SPAG16: variants seen among roughly 807,000 people sequenced by gnomAD.
The protein encoded by SPAG16 is sperm-associated antigen 16 protein.
Under a neutral mutation model 80.4 loss-of-function variants are expected in SPAG16, and 86 were observed. The observed-to-expected ratio is 1.07, with a 90% CI of 0.90 to 1.28. The LOEUF is 1.28. Ranked by LOEUF, SPAG16 falls within the 50% of genes most tolerant of loss-of-function variation. The probability of loss-of-function intolerance (pLI) is 0.00; values close to 1 mark genes in which losing one functional copy is unlikely to be tolerated. For missense variants in SPAG16, 870 were observed against 765.3 expected (o/e 1.14, Z -1.61); for synonymous variants, 294 against 265.9 (o/e 1.11, Z -1.03).
At chr2:213,899,629 T>C (rs2077135912) in intron 11 of SPAG16, among the ~76,000 whole-genome samples, 1 of 152,062 alleles carries the variant, frequency 6.6e-6, no homozygotes, top group Admixed American at 6.6e-5. Flanking sequence ...TAATATTCTA[T>C]AATATGACCA....
At chr2:213,541,388 G>A (rs903154632) in intron 10 of SPAG16, among the ~76,000 whole-genome samples, 4 of 152,172 alleles carry the variant, frequency 2.6e-5, no homozygotes, top group African/African-American at 9.6e-5. Context: ...GGAGGCTGAG[G>A]CAAGTGGATC....
chr2:213,736,298 T>G (rs79687974), intron 10 of SPAG16, among the ~76,000 whole-genome samples: 185 of 152,078 alleles, frequency 1.2e-3, no homozygotes, highest in Middle Eastern at 3.4e-3. Flanking sequence ...GTTCAGATTT[T>G]TTTTTCTTTT....
intron 15 of SPAG16, among the ~76,000 whole-genome samples, chr2:214,286,423 A>G (rs983650918): frequency 3.3e-5 from 5 of 151,990 alleles, no homozygotes; most frequent in African/African-American, 1.2e-4. Flanking sequence ...CCCCAATAAT[A>G]CTATAAATGA....
chr2:213,356,430 T>C (rs2065655249), intron 7 of SPAG16, among the ~76,000 whole-genome samples: 1 of 152,240 alleles, frequency 6.6e-6, no homozygotes, highest in African/African-American at 2.4e-5. Context: ...TCAGAGCCTG[T>C]GATTGGTCAA....
At chr2:213,719,991 G>A (rs1406723013) in intron 10 of SPAG16, among the ~76,000 whole-genome samples, 1 of 152,136 alleles carries the variant, frequency 6.6e-6, no homozygotes, top group Admixed American at 6.5e-5. Flanking sequence ...TATTCACTAT[G>A]GAATACTATG....
intron 12 of SPAG16, among the ~76,000 whole-genome samples, chr2:213,949,179 T>TTTTTTTTTTTTTTGTTTTG (rs2079613121): frequency 5.5e-5 from 2 of 36,262 alleles, no homozygotes; most frequent in Admixed American, 4.8e-4. Flanking sequence ...GTTTTTTTTT[T>TTTTTTTTTTTTTTGTTTTG]TTTTTTTTTT....
At chr2:213,352,715 T>C (rs1475622590) in intron 7 of SPAG16, among the ~76,000 whole-genome samples, 1 of 152,244 alleles carries the variant, frequency 6.6e-6, no homozygotes, top group Admixed American at 6.5e-5. Context: ...GATTAAAACA[T>C]GTTTAAAAAG....
intron 11 of SPAG16, among the ~76,000 whole-genome samples, chr2:213,896,593 C>CTATATATATATATATATATATATAT (rs1553657365): frequency 9.1e-4 from 109 of 119,640 alleles, no homozygotes; most frequent in African/African-American, 1.6e-3. Context: ...CACACACACG[C>CTATATATATATATATATATATATAT]ACACACACAC....
chr2:213,680,793 A>G (rs758449381), intron 10 of SPAG16, among the ~76,000 whole-genome samples: 1 of 152,180 alleles, frequency 6.6e-6, no homozygotes, highest in Non-Finnish European at 1.5e-5. Context: ...TTGGTTTTAT[A>G]TATTTTTAGG....
chr2:213,676,595 G>A (rs1030231734), intron 10 of SPAG16, among the ~76,000 whole-genome samples: 5 of 152,074 alleles, frequency 3.3e-5, no homozygotes, highest in Non-Finnish European at 5.9e-5. Context: ...AGCATGAAGG[G>A]TTGTTGAATT....
intron 10 of SPAG16, among the ~76,000 whole-genome samples, chr2:213,783,140 A>G (rs900134336): frequency 1.4e-5 from 2 of 145,976 alleles, no homozygotes; most frequent in African/African-American, 5.1e-5. Flanking sequence ...GAGTGAGAAT[A>G]TGCTGTGTTT....
At chr2:213,578,445 G>C (rs2060200000) in intron 10 of SPAG16, among the ~76,000 whole-genome samples, 1 of 152,026 alleles carries the variant, frequency 6.6e-6, no homozygotes, top group African/African-American at 2.4e-5. Context: ...TTGTATTAAG[G>C]CTATTTTAAT....
intron 10 of SPAG16, among the ~76,000 whole-genome samples, chr2:213,515,848 A>G (rs914093647): frequency 6.6e-6 from 1 of 152,200 alleles, no homozygotes; most frequent in Admixed American, 6.5e-5. Context: ...GACCCCAGAA[A>G]AGAAATTGTT....
At chr2:214,123,612 T>C (rs1189574425) in intron 14 of SPAG16, among the ~76,000 whole-genome samples, 1 of 151,900 alleles carries the variant, frequency 6.6e-6, no homozygotes, top group African/African-American at 2.4e-5. Flanking sequence ...TCAGAGACAA[T>C]AAACCAGTAA....
Position 213,889,771 on chromosome 2 carries a change from G to T in SPAG16, c.1214+27143G>T, listed in dbSNP as rs1424576657. Among the ~76,000 whole-genome samples the T allele has an allele frequency of 2.0e-5, 3 of 149,374 alleles. No homozygotes were observed. The East Asian group carries it at 5.8e-4, about 29-fold the overall frequency. ...TTTTTTAACCGCCCACCTATGTAAA[G>T]TACTCTACCACATCTGACAAGTTGA... On this transcript the variant is annotated intron_variant, in intron 11 of 15. Coordinates refer to ENST00000331683, the MANE Select transcript of SPAG16 (RefSeq NM_024532.5).
At chr2:213,537,605 C>T (rs2076295188) in intron 10 of SPAG16, among the ~76,000 whole-genome samples, 1 of 152,068 alleles carries the variant, frequency 6.6e-6, no homozygotes, top group South Asian at 2.1e-4. Flanking sequence ...CATCTTCTTT[C>T]TCCACAGTCA....
intron 10 of SPAG16, among the ~76,000 whole-genome samples, chr2:213,556,354 A>G (rs1015180613): frequency 6.6e-6 from 1 of 151,596 alleles, no homozygotes; most frequent in African/African-American, 2.4e-5. Context: ...GCTGCCTACA[A>G]GAGCCTCACT....
At chr2:213,403,902 A>C (rs1172499636) in intron 9 of SPAG16, among the ~76,000 whole-genome samples, 1 of 152,220 alleles carries the variant, frequency 6.6e-6, no homozygotes, top group Non-Finnish European at 1.5e-5. Flanking sequence ...AAGCATTCTT[A>C]TACACCAATA....
chr2:213,481,902 G>A (rs2073768894), intron 9 of SPAG16, among the ~76,000 whole-genome samples: 1 of 152,206 alleles, frequency 6.6e-6, no homozygotes, highest in Non-Finnish European at 1.5e-5. Flanking sequence ...CCATTGCAGT[G>A]ATTTTTGTAA....
Sources: gnomAD v4.1 joint callset for allele counts (sites outside exome capture counted in the v4.1 genomes callset) on GRCh38, gnomAD v4.1.1 for gene constraint, MANE v1.5 for transcripts, NCBI Gene and HGNC (gene_info 2026-07-23, HGNC 2026-07-21) for gene names.